Variants in CLPB observed in about 807,000 individuals in gnomAD.
CLPB encodes ClpB family mitochondrial disaggregase, also known as mitochondrial disaggregase.
CLPB carries 40 observed loss-of-function variants against 78.4 expected under a neutral mutation model. The observed-to-expected ratio is 0.51, with a 90% confidence interval of 0.40 to 0.66. The LOEUF is 0.66. CLPB is among the 30% of genes least tolerant of loss of function. CLPB has a pLI of 0.00. For synonymous variants in CLPB, 333 were observed against 348.0 expected, an observed-to-expected ratio of 0.96 and a Z score of 0.48; for missense variants, 780 against 886.9, an observed-to-expected ratio of 0.88 and a Z score of 1.53.
intron 3 of CLPB, among the ~76,000 whole-genome samples, chr11:72,386,731 T>A (rs1174558330): frequency 6.6e-6 from 1 of 152,192 alleles, no homozygotes; most frequent in African/African-American, 2.4e-5. Context: ...ACTTTTAAAA[T>A]TACCTTCAAA....
chr11:72,323,353 G>A (rs1209442879), intron 6 of CLPB, among the ~76,000 whole-genome samples: 2 of 152,266 alleles, frequency 1.3e-5, no homozygotes, highest in African/African-American at 4.8e-5. Flanking sequence ...CAGATCATGA[G>A]GTCAAGAGAT....
intron 9 of CLPB, 43 bp from the exon 10 acceptor site, chr11:72,302,391 A>G: frequency 6.3e-7 from 1 of 1,591,064 alleles, no homozygotes; most frequent in Non-Finnish European, 8.6e-7. Flanking sequence ...TGGAGGCAGG[A>G]AAGTGAAGAG....
At chr11:72,381,959 C>A (rs540954995) in intron 3 of CLPB, among the ~76,000 whole-genome samples, 2 of 152,264 alleles carry the variant, frequency 1.3e-5, no homozygotes, top group Admixed American at 6.5e-5. Flanking sequence ...TCCAGGATAG[C>A]CCTCATGGAC....
At chr11:72,317,881 C>G (rs2135529204) in intron 6 of CLPB, among the ~76,000 whole-genome samples, 1 of 152,338 alleles carries the variant, frequency 6.6e-6, no homozygotes, top group African/African-American at 2.4e-5. Flanking sequence ...TGGGCTTCAT[C>G]CACTTCACAA....
At chr11:72,402,877 C>G in intron 3 of CLPB, 89 bp downstream of exon 3, 1 of 1,030,106 alleles carries the variant, frequency 9.7e-7, no homozygotes, top group South Asian at 1.4e-5. Context: ...GAAAAGACAG[C>G]AGGGAGGCAC....
chr11:72,304,237 T>C (rs1481217587), intron 9 of CLPB: 1 of 152,246 alleles, frequency 6.6e-6, no homozygotes, highest in Non-Finnish European at 1.5e-5. Flanking sequence ...CAACATGTAC[T>C]GATTGCTTAC....
intron 2 of CLPB, among the ~76,000 whole-genome samples, chr11:72,422,670 T>A (rs1183724150): frequency 1.3e-5 from 2 of 152,182 alleles, no homozygotes; most frequent in Non-Finnish European, 2.9e-5. Context: ...ACTTCCTGAT[T>A]AAGAGAGCTG....
intron 7 of CLPB, 58 bp downstream of exon 7, chr11:72,317,048 A>G: frequency 8.0e-7 from 1 of 1,245,872 alleles, no homozygotes; most frequent in Non-Finnish European, 1.1e-6. Context: ...TTTGGTGACG[A>G]CAGGATGTAC....
intron 2 of CLPB, among the ~76,000 whole-genome samples, chr11:72,426,692 CAAGT>C (rs1477751490): frequency 1.3e-5 from 2 of 152,314 alleles, no homozygotes; most frequent in African/African-American, 4.8e-5. Context: ...TCACAAAAAA[CAAGT>C]AAGTGCCGCT....
intron 2 of CLPB, chr11:72,408,221 A>G: frequency 6.6e-7 from 1 of 1,515,382 alleles, no homozygotes; most frequent in Non-Finnish European, 8.9e-7. Context: ...TATAATGGAA[A>G]AAAAGCAATG....
At chr11:72,336,246 T>TAAC (rs1244035953) in intron 5 of CLPB, among the ~76,000 whole-genome samples, 1 of 151,994 alleles carries the variant, frequency 6.6e-6, no homozygotes, top group Non-Finnish European at 1.5e-5. Flanking sequence ...ACAACAACAA[T>TAAC]AACAACAACA....
chr11:72,299,042 A>G (rs1328043065), intron 11 of CLPB, among the ~76,000 whole-genome samples: 1 of 152,168 alleles, frequency 6.6e-6, no homozygotes, highest in East Asian at 1.9e-4. Context: ...CTCCATCTGG[A>G]TGTCCCTCAG....
rs546740389 is a variant in CLPB at position 72,413,879 on chromosome 11, G to A, written c.456-10827C>T. On this transcript the variant is annotated intron_variant, in intron 2 of 15. Coordinates refer to ENST00000538039, the MANE Select transcript of CLPB (RefSeq NM_001258392.3). ...TGAGGACTGGTTATTACAGGACTCT[G>A]AGCAGGGCACTCAGGGTACTGTGAT... Among the ~76,000 whole-genome samples the A allele has an allele frequency of 2.6e-5, 4 of 152,322 alleles. No homozygotes were observed. In the East Asian group the frequency reaches 7.7e-4, roughly 29 times the overall value.
At chr11:72,401,663 T>C (rs1354145086) in intron 3 of CLPB, among the ~76,000 whole-genome samples, 2 of 152,184 alleles carry the variant, frequency 1.3e-5, no homozygotes, top group African/African-American at 4.8e-5. Flanking sequence ...ACATTTATAA[T>C]CCTTTCACAG....
chr11:72,322,354 G>A (rs1950059311), intron 6 of CLPB, among the ~76,000 whole-genome samples: 1 of 152,164 alleles, frequency 6.6e-6, no homozygotes, highest in Non-Finnish European at 1.5e-5. Context: ...GAAGGTTGAG[G>A]GGCAAAGAGT....
chr11:72,333,602 G>A lies in CLPB; in HGVS notation c.776-3798C>T, dbSNP rs116300613. Reference sequence around the variant, plus strand: ...GATTATTAGGTGCTACCTAGAGTTCGAGTCCAGCACAATTCCACCTCTCCA... The same window carrying A: ...GATTATTAGGTGCTACCTAGAGTTCAAGTCCAGCACAATTCCACCTCTCCA... On this transcript the variant is annotated intron_variant, in intron 5 of 15. Coordinates refer to ENST00000538039, the MANE Select transcript of CLPB (RefSeq NM_001258392.3). Among the ~76,000 whole-genome samples, 335 of 152,244 alleles carry A rather than the reference G, an allele frequency of 2.2e-3. 2 individuals carry two copies. The highest frequency in any genetic ancestry group is 7.7e-3 in the African/African-American group (320 of 41,522).
intron 1 of CLPB, among the ~76,000 whole-genome samples, chr11:72,433,043 G>A (rs1355869601): frequency 6.6e-6 from 1 of 152,160 alleles, no homozygotes; most frequent in Non-Finnish European, 1.5e-5. Context: ...GGATCCAAAT[G>A]AGATGCTAAT....
At chr11:72,316,018 G>A (rs1402762053) in intron 7 of CLPB, among the ~76,000 whole-genome samples, 5 of 152,152 alleles carry the variant, frequency 3.3e-5, no homozygotes. Flanking sequence ...CACAAGGACT[G>A]GGCATGGCTC....
At chr11:72,430,424 G>A (rs1455638694) in intron 1 of CLPB, 61 bp from the exon 2 acceptor site, 19 of 1,492,836 alleles carry the variant, frequency 1.3e-5, no homozygotes, top group African/African-American at 5.5e-5. Flanking sequence ...TCAGGACTGC[G>A]TGGAGGGCCC....
Sources: allele counts gnomAD v4.1 joint callset (sites outside exome capture counted in the v4.1 genomes callset), GRCh38; gene constraint gnomAD v4.1.1; transcripts MANE v1.5; gene names NCBI Gene and HGNC (gene_info 2026-07-23, HGNC 2026-07-21).